COLEC10: variants seen among roughly 807,000 people sequenced by gnomAD.
COLEC10 encodes collectin subfamily member 10, also known as collectin-10.
COLEC10 carries 22 observed loss-of-function variants against 28.4 expected under a neutral mutation model. The ratio of observed to expected loss-of-function variants is 0.78; its 90% CI spans 0.55 to 1.11. The LOEUF is 1.11. Among genes scored for constraint, COLEC10 ranks in the 50% least tolerant of loss-of-function variants. The pLI is 0.00. For synonymous variants in COLEC10, 125 were observed against 116.1 expected (o/e 1.08, Z -0.49); for missense variants, 361 against 344.1 (o/e 1.05, Z -0.39).
intron 2 of COLEC10, among the ~76,000 whole-genome samples, chr8:119,060,835 G>T (rs1346188199): frequency 6.6e-6 from 1 of 152,072 alleles, no homozygotes; most frequent in Non-Finnish European, 1.5e-5. Context: ...CCAAGTTAGT[G>T]CCTCCTAACT....
Position 119,022,440 on chromosome 8 carries a change from C to T in COLEC10, n.235+12887C>T, listed in dbSNP as rs142941284. ...TGTTAACATTACATAAAGATGACCT[C>T]GATACTAAGCAGGAGAAACTGCCCA... On this transcript the variant is annotated intron_variant and non_coding_transcript_variant, in intron 2 of 6. Coordinates refer to the COLEC10 transcript ENST00000521788. Among the ~76,000 whole-genome samples, 24 of 151,848 alleles carry T rather than the reference C, an allele frequency of 1.6e-4. No homozygotes were observed. The East Asian group carries it at 4.3e-3, about 27-fold the overall frequency.
At chr8:119,091,297 C>A in intron 3 of COLEC10, 77 bp downstream of exon 3, 1 of 1,083,572 alleles carries the variant, frequency 9.2e-7, no homozygotes, top group Non-Finnish European at 1.4e-6. Context: ...CACCAGTAAT[C>A]CCAACACTCA....
chr8:119,047,130 G>A (rs1018959055), intron 2 of COLEC10, among the ~76,000 whole-genome samples: 16 of 152,114 alleles, frequency 1.1e-4, no homozygotes, highest in Non-Finnish European at 1.9e-4. Flanking sequence ...ACCAACAGAT[G>A]TTAAAGGGTA....
the COLEC10 span, among the ~76,000 whole-genome samples, chr8:118,961,746 T>G: frequency 3.3e-5 from 5 of 152,188 alleles, no homozygotes; most frequent in African/African-American, 1.2e-4. Flanking sequence ...AGACCATTCT[T>G]GGGCAGCTAT....
At chr8:118,997,459 T>C (rs1417202529) in intron 1 of COLEC10, among the ~76,000 whole-genome samples, 2 of 152,230 alleles carry the variant, frequency 1.3e-5, no homozygotes, top group Non-Finnish European at 2.9e-5. Flanking sequence ...TTTACATCTT[T>C]AATTCATTTT....
At chr8:119,038,615 G>C (rs1814434094) in intron 2 of COLEC10, among the ~76,000 whole-genome samples, 1 of 152,198 alleles carries the variant, frequency 6.6e-6, no homozygotes, top group African/African-American at 2.4e-5. Flanking sequence ...ATATAAGTTG[G>C]CATTTGAACT....
At position 119,042,297 on chromosome 8, in the gene COLEC10, C is replaced by T. The variant is rs535328959; in HGVS notation, n.235+32744C>T. ...ACAACCATGAGCCACTGCACCCAGC[C>T]GAAGCAATTGTTAAATGTGTCTCTG... On this transcript the variant is annotated intron_variant and non_coding_transcript_variant, in intron 2 of 6. Coordinates refer to the COLEC10 transcript ENST00000521788. 2.0e-5 allele frequency among the ~76,000 whole-genome samples: 3 copies of T among 152,110 alleles called. No individual in the cohort carries two copies. The South Asian group carries it at 6.3e-4, about 32-fold the overall frequency.
At chr8:118,995,225 G>A (rs980654744), upstream of COLEC10, among the ~76,000 whole-genome samples, 2 of 151,738 alleles carry the variant, frequency 1.3e-5, no homozygotes, top group Non-Finnish European at 2.9e-5. Context: ...TGAGCAGGGT[G>A]CTTTGCCCTA....
rs571256719 is a variant in COLEC10, at chr8:119,003,398, A to T, written n.123-6043A>T. On this transcript the variant is annotated intron_variant and non_coding_transcript_variant, in intron 1 of 6. Transcript: ENST00000521788. Reference sequence around the variant, plus strand: ...GTTGGTTTGGCCCCCAAATGGCATGATTGTTTAGAAAAGTTAAGAAGATGG... The same window carrying T: ...GTTGGTTTGGCCCCCAAATGGCATGTTTGTTTAGAAAAGTTAAGAAGATGG... Among the ~76,000 whole-genome samples the T allele has an allele frequency of 3.3e-5, 5 of 152,196 alleles. No homozygotes were observed. In the East Asian group the frequency reaches 9.7e-4, roughly 29 times the overall value.
intron 2 of COLEC10, among the ~76,000 whole-genome samples, chr8:119,029,722 T>A (rs1409600762): frequency 1.1e-5 from 1 of 88,794 alleles, no homozygotes; most frequent in Non-Finnish European, 2.1e-5. Flanking sequence ...ACTTTTAATC[T>A]CATTGAAAAC....
chr8:119,067,200 T>G (rs1284949883), upstream of COLEC10: 1 of 1,436,300 alleles, frequency 7.0e-7, no homozygotes, highest in African/African-American at 1.4e-5. Context: ...CTTCCCCTTC[T>G]TCCCCAAAGC....
intron 1 of COLEC10, among the ~76,000 whole-genome samples, chr8:119,073,022 T>C (rs1217451694): frequency 2.6e-5 from 4 of 152,208 alleles, no homozygotes; most frequent in Admixed American, 2.6e-4. Context: ...GATAGACAGA[T>C]ATGCCCAGGA....
At chr8:118,982,764 C>CTGAGAGCT in the COLEC10 span, 1 of 153,116 alleles carries the variant, frequency 6.5e-6, no homozygotes, top group African/African-American at 2.4e-5. Flanking sequence ...GCCTGAGAGC[C>CTGAGAGCT]TGAGAGCTTT....
chr8:118,987,877 TAATA>T, the COLEC10 span, among the ~76,000 whole-genome samples: 2 of 152,258 alleles, frequency 1.3e-5, no homozygotes, highest in South Asian at 2.1e-4. Context: ...TTTATAAAAA[TAATA>T]AATAGTCTTT....
the COLEC10 span, among the ~76,000 whole-genome samples, chr8:118,976,812 A>G: frequency 1.3e-5 from 2 of 152,182 alleles, no homozygotes; most frequent in Non-Finnish European, 2.9e-5. Flanking sequence ...GTGAACAGGC[A>G]ACCTACAAAA....
chr8:119,103,926 T>A, intron 5 of COLEC10, 31 bp downstream of exon 5: 3 of 1,335,946 alleles, frequency 2.2e-6, no homozygotes, highest in African/African-American at 1.4e-5. Context: ...GTTATGTATC[T>A]ATTGATAGAT....
chr8:119,028,423 A>G (rs549944500), intron 2 of COLEC10, among the ~76,000 whole-genome samples: 1 of 152,304 alleles, frequency 6.6e-6, no homozygotes, highest in African/African-American at 2.4e-5. Context: ...ACAGTTCCAT[A>G]TGGCTGGGGA....
chr8:119,061,072 C>T (rs1156698501), intron 2 of COLEC10, among the ~76,000 whole-genome samples: 5 of 151,776 alleles, frequency 3.3e-5, no homozygotes, highest in African/African-American at 1.2e-4. Flanking sequence ...AATAGGTGCT[C>T]AATAAACATT....
chr8:118,977,672 G>A, the COLEC10 span, among the ~76,000 whole-genome samples: 1 of 148,488 alleles, frequency 6.7e-6, no homozygotes, highest in Non-Finnish European at 1.5e-5. Flanking sequence ...AGTGGGTGCA[G>A]CACACCAGCA....
Sources: gnomAD v4.1 joint callset for allele counts (sites outside exome capture counted in the v4.1 genomes callset) on GRCh38, gnomAD v4.1.1 for gene constraint, MANE v1.5 for transcripts, NCBI Gene and HGNC (gene_info 2026-07-23, HGNC 2026-07-21) for gene names.